The following GMCL1 variants were observed in gnomAD, a reference collection of about 807,000 sequenced individuals.
The protein encoded by GMCL1 is germ cell-less 1, spermatogenesis associated.
In GMCL1, 54 loss-of-function variants were observed where a neutral mutation model predicts 75.5. That is an observed-to-expected ratio of 0.71 (90% CI 0.57 to 0.90). The LOEUF is 0.90. GMCL1 is among the 40% of genes least tolerant of loss of function. GMCL1 has a pLI of 0.00. For synonymous variants in GMCL1, 210 were observed against 209.6 expected (o/e 1.00, Z -0.02); for missense variants, 537 against 622.7 (o/e 0.86, Z 1.47).
At chr2:69,868,530 T>C (rs946629458) in intron 11 of GMCL1, among the ~76,000 whole-genome samples, 1 of 151,476 alleles carries the variant, frequency 6.6e-6, no homozygotes, top group African/African-American at 2.4e-5. Flanking sequence ...TGTGTGTTAC[T>C]TGAGTTAGAG....
intron 1 of GMCL1, among the ~76,000 whole-genome samples, chr2:69,833,279 T>C (rs2103941385): frequency 6.6e-6 from 1 of 152,244 alleles, no homozygotes; most frequent in Non-Finnish European, 1.5e-5. Context: ...TACTGGAAGA[T>C]GCTTGGATTA....
At chr2:69,835,355 T>G (rs573342897) in intron 1 of GMCL1, among the ~76,000 whole-genome samples, 8 of 152,312 alleles carry the variant, frequency 5.3e-5, no homozygotes, top group African/African-American at 1.7e-4. Flanking sequence ...CTCAGATCTC[T>G]AGGTATACTG....
chr2:69,834,672 A>G (rs1674771363), intron 1 of GMCL1, among the ~76,000 whole-genome samples: 2 of 152,098 alleles, frequency 1.3e-5, no homozygotes, highest in African/African-American at 4.8e-5. Flanking sequence ...TTTGGGATTT[A>G]ATTAGAATGT....
At chr2:69,851,432 A>G (rs1208359431) in intron 8 of GMCL1, among the ~76,000 whole-genome samples, 1 of 152,178 alleles carries the variant, frequency 6.6e-6, no homozygotes, top group Non-Finnish European at 1.5e-5. Context: ...CAACATGGTG[A>G]AACCCTGTCT....
rs1676207387 is a variant in GMCL1 at position 69,879,053 on chromosome 2, G to A, written c.*49G>A. On this transcript the variant is annotated 3_prime_UTR_variant, in exon 14 of 14. Coordinates refer to ENST00000282570, the MANE Select transcript of GMCL1 (RefSeq NM_178439.5). ...CAGAAAACTGAAGATTTCATCAGTTGGAAACAGTAGCACTTTGAAAACTTT... is the reference window on the plus strand; with the variant it reads ...CAGAAAACTGAAGATTTCATCAGTTAGAAACAGTAGCACTTTGAAAACTTT... 8.3e-7 allele frequency: 1 copy of A among 1,204,768 alleles called. No individual in the cohort carries two copies. Among genetic ancestry groups the A allele is most frequent in the Non-Finnish European group, 1.2e-6 (1 of 818,566 alleles). 74.6% of individuals were successfully genotyped at this position (1,204,768 alleles called of 1,614,324 possible).
intron 1 of GMCL1, 57 bp downstream of exon 1, chr2:69,830,209 C>T: frequency 6.6e-7 from 1 of 1,509,358 alleles, no homozygotes; most frequent in Non-Finnish European, 8.9e-7. Flanking sequence ...GGCCTGGGGC[C>T]GAGCCGGCGC....
chr2:69,863,668 G>C (rs866689479), intron 10 of GMCL1, among the ~76,000 whole-genome samples: 1 of 152,130 alleles, frequency 6.6e-6, no homozygotes, highest in Non-Finnish European at 1.5e-5. Context: ...GTAACAAAAA[G>C]TTTAAAAGTT....
intron 12 of GMCL1, among the ~76,000 whole-genome samples, chr2:69,870,803 A>C (rs967930704): frequency 6.6e-6 from 1 of 152,230 alleles, no homozygotes; most frequent in Non-Finnish European, 1.5e-5. Flanking sequence ...CCAAAATCAC[A>C]ATGAGCTATC....
chr2:69,845,367 G>A (rs1675109749), intron 6 of GMCL1, among the ~76,000 whole-genome samples: 1 of 152,200 alleles, frequency 6.6e-6, no homozygotes, highest in African/African-American at 2.4e-5. Flanking sequence ...GGATTCCAGG[G>A]TTCTAAAAAC....
rs562978103 is a variant in GMCL1 at position 69,830,614 on chromosome 2, T to G, written c.260+462T>G. ...GAGGGTAAGTAATTGCACACAGGAG[T>G]TCTTGTTAATTGTAAAGGTGAAGTT... On this transcript the variant is annotated intron_variant, in intron 1 of 13. Transcript: ENST00000282570. Among the ~76,000 whole-genome samples, 16 of 152,146 alleles carry G rather than the reference T, an allele frequency of 1.1e-4. 1 individual carries two copies. The South Asian group carries it at 3.3e-3, about 32-fold the overall frequency.
Position 69,854,959 on chromosome 2 carries a change from A to G in GMCL1, c.1071A>G (p.Ser357=). The part of the protein sequence containing the change: ...RIIEQDAVVP[S]EWLSSVYKQQ... ...TTGAACAAGATGCTGTAGTACCTTC[A>G]GGTAAGAGAACATAATTTGTAATTT... Residue 357 remains serine, a splice_region_variant and synonymous_variant, in exon 9 of 14, where the codon TCA becomes TCG. Coordinates refer to ENST00000282570, the MANE Select transcript of GMCL1 (RefSeq NM_178439.5). 6.3e-6 allele frequency: 10 copies of G among 1,587,368 alleles called. No homozygotes were observed. Among genetic ancestry groups the G allele is most frequent in the Non-Finnish European group, 6.9e-6 (8 of 1,165,914 alleles).
At chr2:69,844,091 A>G in intron 5 of GMCL1, 40 bp from the exon 6 acceptor site, 2 of 960,018 alleles carry the variant, frequency 2.1e-6, no homozygotes, top group Non-Finnish European at 3.1e-6. Flanking sequence ...AATTGTAAAT[A>G]CATGGCATAT....
At chr2:69,867,283 C>T (rs777400781) in intron 11 of GMCL1, among the ~76,000 whole-genome samples, 4 of 152,076 alleles carry the variant, frequency 2.6e-5, no homozygotes, top group African/African-American at 2.4e-5. Context: ...TATTCTCGGT[C>T]GTGTTGATTT....
At chr2:69,870,924 G>A (rs964264058) in intron 12 of GMCL1, among the ~76,000 whole-genome samples, 1 of 152,130 alleles carries the variant, frequency 6.6e-6, no homozygotes, top group Admixed American at 6.5e-5. Flanking sequence ...TGTACTGCTC[G>A]TGGCCATGTA....
intron 9 of GMCL1, among the ~76,000 whole-genome samples, chr2:69,859,742 T>TTAAAAAAAAAAAAAAAAAA (rs1553372489): frequency 3.4e-4 from 27 of 79,092 alleles, no homozygotes; most frequent in Non-Finnish European, 4.8e-4. Flanking sequence ...TCTCTCTCTC[T>TTAAAAAAAAAAAAAAAAAA]AAAAAAAAAA....
At chr2:69,868,124 G>T (rs1475125650) in intron 11 of GMCL1, among the ~76,000 whole-genome samples, 1 of 152,052 alleles carries the variant, frequency 6.6e-6, no homozygotes, top group Non-Finnish European at 1.5e-5. Flanking sequence ...CTCCAGCCAG[G>T]CACAGTGGTA....
At chr2:69,866,273 A>G (rs1322764587) in intron 11 of GMCL1, among the ~76,000 whole-genome samples, 1 of 151,488 alleles carries the variant, frequency 6.6e-6, no homozygotes, top group Non-Finnish European at 1.5e-5. Flanking sequence ...AACTGATTGT[A>G]TCTTATTAAA....
intron 11 of GMCL1, 104 bp downstream of exon 11, chr2:69,865,079 C>T (rs1222383799): frequency 2.5e-6 from 2 of 791,036 alleles, no homozygotes; most frequent in Non-Finnish European, 4.2e-6. Context: ...CTCAGAAGAG[C>T]TTGTTTGATA....
At chr2:69,854,598 A>T (rs956489569) in intron 8 of GMCL1, among the ~76,000 whole-genome samples, 1 of 152,186 alleles carries the variant, frequency 6.6e-6, no homozygotes, top group Non-Finnish European at 1.5e-5. Context: ...CTGAATTCCC[A>T]GCCTGGGGGT....
Sources: allele counts gnomAD v4.1 joint callset (sites outside exome capture counted in the v4.1 genomes callset), GRCh38; gene constraint gnomAD v4.1.1; transcripts MANE v1.5; gene names NCBI Gene and HGNC (gene_info 2026-07-23, HGNC 2026-07-21).